COL13A1: variants seen among roughly 807,000 people sequenced by gnomAD.
COL13A1 encodes the protein collagen alpha-1(XIII) chain.
In COL13A1, 89 loss-of-function variants were observed where a neutral mutation model predicts 130.9. The observed-to-expected ratio is 0.68, with a 90% CI of 0.57 to 0.81. COL13A1 has a LOEUF of 0.81. Ranked by LOEUF, COL13A1 falls within the 30% of genes least tolerant of loss-of-function variation. COL13A1 has a pLI of 0.00. For synonymous variants in COL13A1, 402 were observed against 341.6 expected, an observed-to-expected ratio of 1.18 and a Z score of -1.95; for missense variants, 879 against 934.6, an observed-to-expected ratio of 0.94 and a Z score of 0.78.
chr10:69,910,895 G>A (rs2063301416), intron 17 of COL13A1, among the ~76,000 whole-genome samples: 1 of 152,192 alleles, frequency 6.6e-6, no homozygotes, highest in African/African-American at 2.4e-5. Context: ...TGATGCCTGT[G>A]GTGGCCTGGA....
intron 21 of COL13A1, among the ~76,000 whole-genome samples, chr10:69,920,646 T>C (rs1223114242): frequency 2.0e-5 from 3 of 152,208 alleles, no homozygotes; most frequent in Non-Finnish European, 4.4e-5. Flanking sequence ...AAAGCTGTCA[T>C]ATTCAAGGCA....
chr10:69,890,421 C>T (rs570015961), intron 10 of COL13A1, among the ~76,000 whole-genome samples: 6 of 152,360 alleles, frequency 3.9e-5, no homozygotes, highest in East Asian at 3.9e-4. Context: ...AGATCCAGGT[C>T]GCACCTACTG....
chr10:69,876,428 C>G (rs1041028543), intron 5 of COL13A1, among the ~76,000 whole-genome samples: 2 of 152,226 alleles, frequency 1.3e-5, no homozygotes, highest in Non-Finnish European at 2.9e-5. Context: ...TTTCAGAGTT[C>G]AGGACAAGTG....
chr10:69,822,378 C>A lies in COL13A1; in HGVS notation c.304C>A (p.Leu102Ile). 1 of 1,585,620 alleles carries A rather than the reference C, an allele frequency of 6.3e-7. No homozygotes were observed. Among genetic ancestry groups the A allele is most frequent in the South Asian group, 1.2e-5 (1 of 85,804 alleles). Residue 102 changes from leucine (L) to isoleucine (I), a missense_variant, in exon 2 of 41, where the codon CTC becomes ATC. Around this residue, in one of 3 missense-constraint regions of COL13A1, gnomAD observed 715 missense variants for 721.0 expected, o/e 0.99. Coordinates refer to ENST00000645393, the MANE Select transcript of COL13A1 (RefSeq NM_001368882.1). ...CTGTCTCCTTGTACAGAAATGGAAG[C>A]TCCACTCAAGGAGGCGCCGGGAGGC... The part of the protein sequence containing the change: ...VNQLLDEKWK[L>I]HSRRRREAPK...
intron 7 of COL13A1, among the ~76,000 whole-genome samples, chr10:69,885,648 T>C (rs1372462461): frequency 6.6e-6 from 1 of 152,150 alleles, no homozygotes; most frequent in Non-Finnish European, 1.5e-5. Context: ...GTAAACATTG[T>C]CCCTAGCGGG....
At chr10:69,908,650 G>A (rs558881395) in intron 17 of COL13A1, among the ~76,000 whole-genome samples, 14 of 152,296 alleles carry the variant, frequency 9.2e-5, no homozygotes, top group Admixed American at 2.0e-4. Context: ...GTGTCCTGAC[G>A]CTAGAGGGCC....
intron 2 of COL13A1, chr10:69,824,277 A>G (rs1403648337): frequency 2.4e-6 from 1 of 410,936 alleles, no homozygotes; most frequent in East Asian, 7.2e-5. Context: ...CTCGCACTTC[A>G]AAGATGCAGA....
intron 34 of COL13A1, among the ~76,000 whole-genome samples, chr10:69,938,131 C>A (rs1363883712): frequency 2.6e-5 from 4 of 152,236 alleles, no homozygotes; most frequent in African/African-American, 4.8e-5. Context: ...TTGCTCCCCC[C>A]TCTTAAGCAC....
intron 24 of COL13A1, among the ~76,000 whole-genome samples, chr10:69,924,417 G>A (rs939803721): frequency 2.6e-5 from 4 of 152,022 alleles, no homozygotes; most frequent in African/African-American, 9.7e-5. Flanking sequence ...TTTGCAACAG[G>A]AACAAATCCT....
At chr10:69,925,975 C>G in intron 26 of COL13A1, 103 bp downstream of exon 26, 1 of 886,840 alleles carries the variant, frequency 1.1e-6, no homozygotes, top group Non-Finnish European at 1.8e-6. Flanking sequence ...GGGGCCCTGC[C>G]CTCAGGCCCT....
In COL13A1 at chr10:69,928,940, C is replaced by A; in HGVS notation, c.1426C>A (p.Pro476Thr). ...QEIRTLALMG[P>T]PGLPGQIGPP... ...GTGTCTTTCCTTTCTCTCCTAGGGG[C>A]CTCCTGGTCTTCCTGGGCAAATTGG... Residue 476 changes from proline to threonine, a missense_variant, in exon 28 of 41, where the codon CCT becomes ACT. Pro to Thr is a conservative substitution (Grantham distance 38, BLOSUM62 -1). Around this residue, in one of 3 missense-constraint regions of COL13A1, gnomAD observed 715 missense variants for 721.0 expected, o/e 0.99. Transcript: ENST00000645393. 4 of 1,612,646 alleles carry A rather than the reference C, an allele frequency of 2.5e-6. No homozygotes were observed. Among genetic ancestry groups the A allele is most frequent in the Non-Finnish European group, 3.4e-6 (4 of 1,178,918 alleles).
At chr10:69,941,708 A>T (rs1031721237) in intron 35 of COL13A1, among the ~76,000 whole-genome samples, 1 of 152,178 alleles carries the variant, frequency 6.6e-6, no homozygotes, top group Non-Finnish European at 1.5e-5. Context: ...GAAAACAGGC[A>T]TCATTTACTA....
Position 69,958,692 on chromosome 10 carries a change from T to C in COL13A1, c.2185-7T>C. The C allele has an allele frequency of 6.2e-7, 1 of 1,614,006 alleles. No homozygotes were observed. Among genetic ancestry groups the C allele is most frequent in the Non-Finnish European group, 8.5e-7 (1 of 1,179,896 alleles). On this transcript the variant is annotated splice_polypyrimidine_tract_variant and splice_region_variant and intron_variant, in intron 40 of 40. Coordinates refer to ENST00000645393, the MANE Select transcript of COL13A1 (RefSeq NM_001368882.1). ...TAACAGAACATTGTTTTGTTTTTGTTTTGCAGTGATGCCTCTAACCTTGGA... is the reference window on the plus strand; with the variant it reads ...TAACAGAACATTGTTTTGTTTTTGTCTTGCAGTGATGCCTCTAACCTTGGA...
intron 24 of COL13A1, 77 bp downstream of exon 24, chr10:69,923,932 A>G: frequency 6.5e-7 from 1 of 1,543,708 alleles, no homozygotes; most frequent in South Asian, 1.2e-5. Flanking sequence ...GGCCGACCCT[A>G]GGGGTATCCC....
intron 2 of COL13A1, among the ~76,000 whole-genome samples, chr10:69,825,214 C>T (rs1847181765): frequency 1.3e-5 from 2 of 152,234 alleles, no homozygotes; most frequent in Non-Finnish European, 2.9e-5. Flanking sequence ...AGTTCTAACA[C>T]TCTGGAATGT....
At chr10:69,871,834 A>T (rs1189068575) in intron 3 of COL13A1, among the ~76,000 whole-genome samples, 2 of 152,226 alleles carry the variant, frequency 1.3e-5, no homozygotes, top group Non-Finnish European at 2.9e-5. Context: ...CGCTGTGCTC[A>T]GTGCTTTACA....
intron 38 of COL13A1, among the ~76,000 whole-genome samples, chr10:69,948,087 G>A (rs567939305): frequency 3.3e-5 from 5 of 152,306 alleles, no homozygotes; most frequent in African/African-American, 1.2e-4. Context: ...TTCCTGGAGT[G>A]GGGGGCACAC....
At chr10:69,829,225 C>T (rs1369451679) in intron 2 of COL13A1, 1 of 985,282 alleles carries the variant, frequency 1.0e-6, no homozygotes, top group African/African-American at 1.7e-5. Context: ...CCGTCATCAC[C>T]CTTGTTCAGG....
intron 5 of COL13A1, chr10:69,877,695 TCTCTCACACACACA>T (rs1298864126): frequency 8.0e-5 from 9 of 112,200 alleles, no homozygotes; most frequent in Admixed American, 2.9e-4. Context: ...TCTCTCTCTC[TCTCTCACACACACA>T]CACACACACA....
Sources: allele counts gnomAD v4.1 joint callset (sites outside exome capture counted in the v4.1 genomes callset), GRCh38; gene constraint gnomAD v4.1.1; regional missense constraint gnomAD v4.1.1; transcripts MANE v1.5; gene names NCBI Gene and HGNC (gene_info 2026-07-23, HGNC 2026-07-21).